Variants in ANKRD11 observed in about 807,000 individuals in gnomAD.
ANKRD11 encodes ankyrin repeat domain-containing protein 11.
A neutral mutation model predicts 195.7 loss-of-function variants in ANKRD11; 17 were observed. The ratio of observed to expected loss-of-function variants is 0.09; its 90% CI spans 0.06 to 0.13. The LOEUF is 0.13. Among genes scored for constraint, ANKRD11 ranks in the 10% least tolerant of loss-of-function variants. ANKRD11 has a pLI of 1.00. For synonymous variants in ANKRD11, 1,953 were observed against 1,528.1 expected (o/e 1.28, Z -6.49); for missense variants, 3,735 against 3,566.1 (o/e 1.05, Z -1.21).
At chr16:89,405,817 T>G (rs2041882110) in intron 2 of ANKRD11, among the ~76,000 whole-genome samples, 1 of 152,088 alleles carries the variant, frequency 6.6e-6, no homozygotes, top group South Asian at 2.1e-4. Context: ...TCACAAAGGA[T>G]GCACTGCAGT....
At chr16:89,378,017 GCTTA>G (rs2040495653) in intron 2 of ANKRD11, among the ~76,000 whole-genome samples, 1 of 151,934 alleles carries the variant, frequency 6.6e-6, no homozygotes, top group South Asian at 2.1e-4. Context: ...CTTTTCTCTA[GCTTA>G]CTTTACTGTA....
intron 1 of ANKRD11, among the ~76,000 whole-genome samples, chr16:89,487,642 T>C (rs1192396090): frequency 6.6e-6 from 1 of 151,648 alleles, no homozygotes; most frequent in East Asian, 1.9e-4. Flanking sequence ...GGCGTGGCGG[T>C]GGGCGCCTGT....
chr16:89,281,022 C>G lies in ANKRD11; in HGVS notation c.5520G>C (p.Ala1840=). 4 of 1,592,042 alleles carry G rather than the reference C, an allele frequency of 2.5e-6. No individual in the cohort carries two copies. Among genetic ancestry groups the G allele is most frequent in the Non-Finnish European group, 3.4e-6 (4 of 1,167,696 alleles). Residue 1840 remains alanine, a synonymous_variant, in exon 9 of 13, where the codon GCG becomes GCC. Transcript: ENST00000301030. This position sits in a 1 kb window ranked among gnomAD's most constrained non-coding sequence, Gnocchi z 5.5. ...CTGGCGACAAGCAGGCAAACTTCTC[C>G]GCGGGAACCGGGGGCAGGGGCGCCC... ...EDRAPLPPVP[A]EKFACLSPGY...
At chr16:89,340,466 G>T (rs1303086302) in intron 2 of ANKRD11, among the ~76,000 whole-genome samples, 2 of 152,134 alleles carry the variant, frequency 1.3e-5, no homozygotes, top group Non-Finnish European at 2.9e-5. Context: ...GTAGAGATGG[G>T]GTTTCACAAT....
At chr16:89,390,789 C>G (rs903678853) in intron 2 of ANKRD11, among the ~76,000 whole-genome samples, 1 of 152,168 alleles carries the variant, frequency 6.6e-6, no homozygotes, top group African/African-American at 2.4e-5. Context: ...TTGTCTAACT[C>G]TGGGGAGGAG....
chr16:89,389,581 G>T (rs1365554352), intron 2 of ANKRD11, among the ~76,000 whole-genome samples: 1 of 152,268 alleles, frequency 6.6e-6, no homozygotes, highest in Non-Finnish European at 1.5e-5. Context: ...TGAAGATGAC[G>T]CTGTGTGAGA....
At chr16:89,451,094 G>C (rs79230416) in intron 1 of ANKRD11, among the ~76,000 whole-genome samples, 6,278 of 152,246 alleles carry the variant, frequency 0.041, 276 homozygotes, top group East Asian at 0.23. Flanking sequence ...AGTTTCAACA[G>C]AGAAACCTAT....
At chr16:89,472,530 AT>A (rs2057121854) in intron 1 of ANKRD11, among the ~76,000 whole-genome samples, 1 of 152,106 alleles carries the variant, frequency 6.6e-6, no homozygotes, top group Non-Finnish European at 1.5e-5. Flanking sequence ...CCATTTATTG[AT>A]TTATTTGAGA....
At chr16:89,325,309 A>T (rs2037637426) in intron 2 of ANKRD11, among the ~76,000 whole-genome samples, 1 of 152,150 alleles carries the variant, frequency 6.6e-6, no homozygotes, top group Non-Finnish European at 1.5e-5. Context: ...ACTGTGGTGC[A>T]TGCTGGCGGT....
chr16:89,344,301 T>G (rs775122305), intron 2 of ANKRD11, among the ~76,000 whole-genome samples: 1 of 152,156 alleles, frequency 6.6e-6, no homozygotes, highest in African/African-American at 2.4e-5. Flanking sequence ...AGCTAACAGA[T>G]GGTATTATTT....
intron 2 of ANKRD11, among the ~76,000 whole-genome samples, chr16:89,404,659 G>A (rs988652314): frequency 6.6e-6 from 1 of 152,214 alleles, no homozygotes; most frequent in South Asian, 2.1e-4. Flanking sequence ...TCCTGAGGGC[G>A]AGAAACTCTG....
At chr16:89,392,707 T>C (rs1165806902) in intron 2 of ANKRD11, 1 of 149,010 alleles carries the variant, frequency 6.7e-6, no homozygotes, top group Non-Finnish European at 1.5e-5. Context: ...ATCAACATGG[T>C]TGAGTTCACA....
intron 1 of ANKRD11, among the ~76,000 whole-genome samples, chr16:89,421,054 A>G (rs2042489582): frequency 6.6e-6 from 1 of 152,162 alleles, no homozygotes; most frequent in Non-Finnish European, 1.5e-5. Context: ...ATGAAGGGTC[A>G]GTGTGTGATG....
At chr16:89,485,333 A>C (rs1381351099) in intron 1 of ANKRD11, among the ~76,000 whole-genome samples, 2 of 151,842 alleles carry the variant, frequency 1.3e-5, no homozygotes, top group African/African-American at 4.8e-5. Flanking sequence ...TAAAAAAAAA[A>C]AAAAAAAAAC....
chr16:89,275,173 G>A lies in ANKRD11; in HGVS notation c.7489C>T (p.Leu2497=), dbSNP rs569975517. ...AACAGCTCCTTCAGGGGCTCCGCCAGGGAGGGAGGGGGTGCGATCTACAGG... is the reference window on the plus strand; with the variant it reads ...AACAGCTCCTTCAGGGGCTCCGCCAAGGAGGGAGGGGGTGCGATCTACAGG... The part of the protein sequence containing the change: ...HIPVIAPPPS[L]AEPLKELFRQ... The change falls in exon 10 of 13, where the codon CTG becomes TTG. Residue 2497 remains leucine, a synonymous_variant. Coordinates refer to ENST00000301030, the MANE Select transcript of ANKRD11 (RefSeq NM_013275.6). The A allele has an allele frequency of 2.5e-6, 4 of 1,609,032 alleles. No individual in the cohort carries two copies. Among genetic ancestry groups the A allele is most frequent in the Admixed American group, 1.7e-5 (1 of 59,336 alleles).
chr16:89,278,580 G>T (rs1375905686), intron 9 of ANKRD11: 4 of 457,498 alleles, frequency 8.7e-6, no homozygotes, highest in Non-Finnish European at 1.8e-5. Context: ...GCTGCCCCAA[G>T]GGAGCTGCAG....
intron 2 of ANKRD11, among the ~76,000 whole-genome samples, chr16:89,354,256 AAAAAG>A (rs2039363292): frequency 6.6e-6 from 1 of 151,966 alleles, no homozygotes; most frequent in South Asian, 2.1e-4. Context: ...AAAAAAAAAA[AAAAAG>A]AAAACTTCAT....
intron 2 of ANKRD11, among the ~76,000 whole-genome samples, chr16:89,360,076 A>AC (rs1161641465): frequency 6.6e-6 from 1 of 151,272 alleles, no homozygotes; most frequent in Non-Finnish European, 1.5e-5. Flanking sequence ...CCTCAAGTAG[A>AC]CCCCCGTGTC....
At position 89,339,622 on chromosome 16, in the gene ANKRD11, T is replaced by C. The variant is rs541693686; in HGVS notation, c.-59-22544A>G. Among the ~76,000 whole-genome samples the C allele has an allele frequency of 1.8e-3, 271 of 152,354 alleles. 2 individuals are homozygous for C. The highest frequency in any genetic ancestry group is 5.8e-3 in the African/African-American group (240 of 41,576). ...AATATTTTCTAACCATATCATTTTA[T>C]AACAAATTAGCAATAGCTAATGTTT... is the stretch of plus-strand genomic sequence containing the variant. On this transcript the variant is annotated intron_variant, in intron 2 of 12. Transcript: ENST00000301030.
Sources: gnomAD v4.1 joint callset for allele counts (sites outside exome capture counted in the v4.1 genomes callset) on GRCh38, gnomAD v4.1.1 for gene constraint, Gnocchi (gnomAD v3.1) non-coding constraint, MANE v1.5 for transcripts, NCBI Gene and HGNC (gene_info 2026-07-23, HGNC 2026-07-21) for gene names.